CSMD1: variants seen among roughly 807,000 people sequenced by gnomAD.
The protein encoded by CSMD1 is CUB and Sushi multiple domains 1.
A neutral mutation model predicts 417.5 loss-of-function variants in CSMD1; 213 were observed. The ratio of observed to expected loss-of-function variants is 0.51; its 90% confidence interval spans 0.46 to 0.57. The LOEUF is 0.57. Among genes scored for constraint, CSMD1 ranks in the 20% least tolerant of loss-of-function variants. The pLI is 0.00. For missense variants in CSMD1, 6,923 were observed against 4,529.7 expected (o/e 1.53, Z -15.17); for synonymous variants, 2,862 against 1,736.8 (o/e 1.65, Z -16.11).
intron 1 of CSMD1, among the ~76,000 whole-genome samples, chr8:4,796,884 A>T (rs1418841373): frequency 6.6e-6 from 1 of 152,178 alleles, no homozygotes; most frequent in East Asian, 1.9e-4. Context: ...ACATATGCAC[A>T]CAACTGAAAC....
chr8:3,541,887 C>T (rs1338631355), intron 10 of CSMD1, among the ~76,000 whole-genome samples: 2 of 152,030 alleles, frequency 1.3e-5, no homozygotes, highest in African/African-American at 4.8e-5. Context: ...AATGGCAAAA[C>T]CCCATCTCTA....
intron 1 of CSMD1, among the ~76,000 whole-genome samples, chr8:4,960,599 GCATA>G (rs1307154152): frequency 2.0e-5 from 3 of 152,140 alleles, no homozygotes; most frequent in Non-Finnish European, 2.9e-5. Flanking sequence ...TAATGCCAGT[GCATA>G]CATACAGTCA....
chr8:4,374,302 G>A (rs773089752), intron 3 of CSMD1, among the ~76,000 whole-genome samples: 12 of 152,064 alleles, frequency 7.9e-5, no homozygotes, highest in Admixed American at 3.9e-4. Context: ...CTGTATTAGA[G>A]TACAATATAA....
intron 6 of CSMD1, among the ~76,000 whole-genome samples, chr8:3,708,952 G>T (rs1415076657): frequency 6.6e-6 from 1 of 152,232 alleles, no homozygotes; most frequent in Admixed American, 6.5e-5. Context: ...ACAGTTTAGC[G>T]AATCTGTGTG....
At chr8:4,393,101 G>A (rs951536444) in intron 3 of CSMD1, among the ~76,000 whole-genome samples, 3 of 152,032 alleles carry the variant, frequency 2.0e-5, no homozygotes, top group East Asian at 3.9e-4. Context: ...TCAATCTCCC[G>A]AGTAGCTGGG....
intron 7 of CSMD1, among the ~76,000 whole-genome samples, chr8:3,692,273 C>G (rs560714212): frequency 6.6e-5 from 10 of 152,148 alleles, no homozygotes; most frequent in Non-Finnish European, 1.5e-4. Flanking sequence ...ATTTCACCAG[C>G]ACCACCACAA....
intron 3 of CSMD1, among the ~76,000 whole-genome samples, chr8:4,337,771 G>T (rs568594090): frequency 2.0e-5 from 3 of 152,238 alleles, no homozygotes; most frequent in African/African-American, 7.2e-5. Flanking sequence ...TTGGGCTGGA[G>T]TTATTTTAAT....
chr8:4,965,689 G>C (rs1809813555), intron 1 of CSMD1, among the ~76,000 whole-genome samples: 2 of 152,284 alleles, frequency 1.3e-5, no homozygotes, highest in South Asian at 4.1e-4. Flanking sequence ...AGGTTGGCTG[G>C]ATGTTCAAAT....
At chr8:4,940,053 G>C (rs1807882897) in intron 1 of CSMD1, among the ~76,000 whole-genome samples, 1 of 152,200 alleles carries the variant, frequency 6.6e-6, no homozygotes, top group South Asian at 2.1e-4. Context: ...GAGAAGACAA[G>C]AGCTGAGGTA....
chr8:3,793,456 C>A (rs920461426), intron 5 of CSMD1, among the ~76,000 whole-genome samples: 7 of 152,092 alleles, frequency 4.6e-5, no homozygotes, highest in African/African-American at 1.7e-4. Flanking sequence ...TTTCTAGTAA[C>A]TCCTGCCATG....
intron 5 of CSMD1, among the ~76,000 whole-genome samples, chr8:3,940,901 T>G (rs1286750604): frequency 6.6e-6 from 1 of 152,054 alleles, no homozygotes; most frequent in South Asian, 2.1e-4. Flanking sequence ...CCCCCGAGAT[T>G]ATGTCTACAT....
At chr8:4,938,722 G>A (rs933303435) in intron 1 of CSMD1, among the ~76,000 whole-genome samples, 1 of 152,148 alleles carries the variant, frequency 6.6e-6, no homozygotes, top group Non-Finnish European at 1.5e-5. Flanking sequence ...TGATAAATTC[G>A]ATCTGAAATC....
intron 10 of CSMD1, among the ~76,000 whole-genome samples, chr8:3,550,348 C>A (rs1455304935): frequency 6.6e-6 from 1 of 152,158 alleles, no homozygotes; most frequent in East Asian, 1.9e-4. Context: ...CATTCCTACT[C>A]CAGGGCCTTG....
At chr8:3,235,507 T>G (rs935400697) in intron 26 of CSMD1, among the ~76,000 whole-genome samples, 1 of 152,146 alleles carries the variant, frequency 6.6e-6, no homozygotes, top group Non-Finnish European at 1.5e-5. Flanking sequence ...CACCCCAGTT[T>G]CCCCTTAGAC....
At chr8:4,835,801 A>G (rs545765488) in intron 1 of CSMD1, among the ~76,000 whole-genome samples, 1 of 151,632 alleles carries the variant, frequency 6.6e-6, no homozygotes, top group African/African-American at 2.4e-5. Flanking sequence ...ACAGTGTTAT[A>G]TCTCATCAAG....
At position 4,696,774 on chromosome 8, in the gene CSMD1, G is replaced by A. The variant is rs1807160837; in HGVS notation, c.86-59216C>T. Among the ~76,000 whole-genome samples, 3 of 152,136 alleles carry A rather than the reference G, an allele frequency of 2.0e-5. No homozygotes were observed. The South Asian group carries it at 6.2e-4, about 32-fold the overall frequency. ...CAACATGGGTGTCCAATGACTGAAG[G>A]ACTGCATCAGTGAATGTATGTTTAC... On this transcript the variant is annotated intron_variant, in intron 1 of 69. Transcript: ENST00000635120.
intron 23 of CSMD1, among the ~76,000 whole-genome samples, chr8:3,330,964 A>G: frequency 6.6e-6 from 1 of 152,182 alleles, no homozygotes; most frequent in East Asian, 1.9e-4. Context: ...AAAGAAAAGC[A>G]ACAGTGCCGG....
chr8:3,199,959 T>C, intron 32 of CSMD1, 150 bp from the exon 33 acceptor site: 1 of 584,160 alleles, frequency 1.7e-6, no homozygotes, highest in Non-Finnish European at 3.1e-6. Flanking sequence ...TCAAATATGT[T>C]GTTTTTATAA....
rs371059226 is a variant in CSMD1, at chr8:3,786,921, G to C, written c.819-32879C>G. Among the ~76,000 whole-genome samples the C allele has an allele frequency of 2.0e-5, 3 of 152,262 alleles. No individual in the cohort carries two copies. The East Asian group carries it at 5.8e-4, about 29-fold the overall frequency. On this transcript the variant is annotated intron_variant, in intron 5 of 69. Coordinates refer to ENST00000635120, the MANE Select transcript of CSMD1 (RefSeq NM_033225.6). ...CTCCTAATACTAGCACCTTTAGGAT[G>C]AGGATTTCAACCCAGGAATTTGGAT...
Sources: allele counts gnomAD v4.1 joint callset (sites outside exome capture counted in the v4.1 genomes callset), GRCh38; gene constraint gnomAD v4.1.1; transcripts MANE v1.5; gene names NCBI Gene and HGNC (gene_info 2026-07-23, HGNC 2026-07-21).